SRGAP1: variants seen among roughly 807,000 people sequenced by gnomAD.
The protein encoded by SRGAP1 is SLIT-ROBO Rho GTPase activating protein 1.
In SRGAP1, 43 loss-of-function variants were observed where a neutral mutation model predicts 121.9. The ratio of observed to expected loss-of-function variants is 0.35; its 90% CI spans 0.28 to 0.46. The LOEUF (loss-of-function observed/expected upper bound fraction) is 0.46, where lower values mean the gene tolerates loss of function less well. Among genes scored for constraint, SRGAP1 ranks in the 20% least tolerant of loss-of-function variants. The pLI is 1.00. For missense variants in SRGAP1, 1,102 were observed against 1,350.9 expected (o/e 0.82, Z 2.89); for synonymous variants, 447 against 485.4 (o/e 0.92, Z 1.04).
intron 1 of SRGAP1, among the ~76,000 whole-genome samples, chr12:63,944,867 T>C (rs2031991169): frequency 6.6e-6 from 1 of 152,204 alleles, no homozygotes; most frequent in Non-Finnish European, 1.5e-5. Flanking sequence ...CAAAGTGCCC[T>C]GCTAGCTCCT....
chr12:64,138,090 C>A (rs1302179390), intron 21 of SRGAP1, among the ~76,000 whole-genome samples: 1 of 151,560 alleles, frequency 6.6e-6, no homozygotes, highest in Non-Finnish European at 1.5e-5. Flanking sequence ...CTCACAAAAC[C>A]AAAACTCTGT....
chr12:63,933,891 A>T (rs2031568735), intron 1 of SRGAP1, among the ~76,000 whole-genome samples: 1 of 152,198 alleles, frequency 6.6e-6, no homozygotes, highest in Admixed American at 6.5e-5. Flanking sequence ...CATAAGGTAA[A>T]ATTGAAATCA....
intron 14 of SRGAP1, 92 bp downstream of exon 14, chr12:64,095,296 A>G (rs2036133684): frequency 8.9e-7 from 1 of 1,128,442 alleles, no homozygotes; most frequent in African/African-American, 1.6e-5. Flanking sequence ...TATATCCTCA[A>G]AACCTTTCTT....
In SRGAP1 at chr12:64,128,047, G is replaced by A; in HGVS notation, c.2727G>A (p.Arg909=). The A allele has an allele frequency of 6.2e-7, 1 of 1,614,138 alleles. No homozygotes were observed. The highest frequency in any genetic ancestry group is 8.5e-7 in the Non-Finnish European group (1 of 1,180,022). ...NRGLNNDSPE[R]RRRPGHGSLT... is the part of the protein sequence containing the mutation. Reference sequence around the variant, plus strand: ...GCCTCAACAATGACAGTCCTGAGCGGAGGCGCAGGCCTGGCCATGGCAGCC... The same window carrying A: ...GCCTCAACAATGACAGTCCTGAGCGAAGGCGCAGGCCTGGCCATGGCAGCC... Residue 909 remains arginine, a synonymous_variant, in exon 21 of 22, where the codon CGG becomes CGA. Transcript: ENST00000355086.
At chr12:63,887,746 AGAT>A (rs1477266645) in intron 1 of SRGAP1, 1 of 152,256 alleles carries the variant, frequency 6.6e-6, no homozygotes. Context: ...ACAGAATCTA[AGAT>A]GATAAGAAGA....
intron 6 of SRGAP1, among the ~76,000 whole-genome samples, chr12:64,048,813 C>T (rs1182271981): frequency 6.6e-6 from 1 of 151,906 alleles, no homozygotes; most frequent in Non-Finnish European, 1.5e-5. Context: ...TTTGAGATAT[C>T]TCTATTTAGA....
intron 21 of SRGAP1, among the ~76,000 whole-genome samples, chr12:64,135,881 A>G (rs548590440): frequency 8.5e-5 from 13 of 152,292 alleles, no homozygotes; most frequent in African/African-American, 3.1e-4. Context: ...ACACAATCAC[A>G]AGGTCCCACA....
intron 3 of SRGAP1, among the ~76,000 whole-genome samples, chr12:64,011,633 A>G (rs186363451): frequency 6.6e-6 from 1 of 152,314 alleles, no homozygotes; most frequent in Admixed American, 6.5e-5. Flanking sequence ...ACTAGTTGGT[A>G]GAAAATAGTG....
chr12:63,890,062 T>A (rs1900526669), intron 1 of SRGAP1, among the ~76,000 whole-genome samples: 1 of 152,200 alleles, frequency 6.6e-6, no homozygotes, highest in South Asian at 2.1e-4. Flanking sequence ...TTTAGATTGC[T>A]GCAGATTCAC....
At chr12:63,954,928 T>A (rs958333325) in intron 1 of SRGAP1, among the ~76,000 whole-genome samples, 1 of 152,222 alleles carries the variant, frequency 6.6e-6, no homozygotes, top group African/African-American at 2.4e-5. Context: ...CAATTGTCAG[T>A]ACACTTCCTC....
At chr12:63,966,463 C>G (rs1432350830) in intron 1 of SRGAP1, among the ~76,000 whole-genome samples, 1 of 152,136 alleles carries the variant, frequency 6.6e-6, no homozygotes, top group African/African-American at 2.4e-5. Context: ...CAAAGGAAAT[C>G]TTCACTTATG....
At chr12:64,065,752 T>G (rs891341332) in intron 8 of SRGAP1, among the ~76,000 whole-genome samples, 29 of 152,180 alleles carry the variant, frequency 1.9e-4, no homozygotes, top group African/African-American at 6.8e-4. Flanking sequence ...CTTTTAAAAT[T>G]CACTTCTTTT....
intron 1 of SRGAP1, among the ~76,000 whole-genome samples, chr12:63,957,214 T>C (rs1474025361): frequency 1.3e-5 from 2 of 152,222 alleles, no homozygotes; most frequent in Non-Finnish European, 2.9e-5. Flanking sequence ...ACATTATCAT[T>C]GAAGATCGTG....
chr12:64,077,566 T>A (rs989050769), intron 8 of SRGAP1, among the ~76,000 whole-genome samples: 2 of 151,364 alleles, frequency 1.3e-5, no homozygotes, highest in African/African-American at 4.8e-5. Flanking sequence ...TTACATTGTG[T>A]GACAGAAGGA....
chr12:64,006,492 G>C (rs967872386), intron 3 of SRGAP1, among the ~76,000 whole-genome samples: 1 of 152,144 alleles, frequency 6.6e-6, no homozygotes, highest in African/African-American at 2.4e-5. Flanking sequence ...ACAAGAATTT[G>C]AATCTCAGTT....
intron 18 of SRGAP1, among the ~76,000 whole-genome samples, chr12:64,125,079 C>T (rs2036666493): frequency 2.0e-5 from 3 of 152,164 alleles, no homozygotes; most frequent in Admixed American, 2.0e-4. Context: ...ACAAGGAACC[C>T]TTGTGCTACC....
intron 8 of SRGAP1, among the ~76,000 whole-genome samples, chr12:64,072,302 A>G (rs576481858): frequency 1.3e-5 from 2 of 152,192 alleles, no homozygotes; most frequent in African/African-American, 2.4e-5. Context: ...CAGATGAGTG[A>G]TGAGTCTTAA....
intron 4 of SRGAP1, among the ~76,000 whole-genome samples, chr12:64,018,448 T>TA (rs1276995708): frequency 1.3e-5 from 2 of 152,204 alleles, no homozygotes; most frequent in African/African-American, 4.8e-5. Context: ...TTTCTTGATT[T>TA]ACCAATTCCA....
chr12:64,094,639 C>A (rs2036119782), intron 12 of SRGAP1, among the ~76,000 whole-genome samples: 1 of 152,088 alleles, frequency 6.6e-6, no homozygotes, highest in Non-Finnish European at 1.5e-5. Flanking sequence ...ACACAGAGTT[C>A]TTTTTAAGTC....
Sources: gnomAD v4.1 joint callset for allele counts (sites outside exome capture counted in the v4.1 genomes callset) on GRCh38, gnomAD v4.1.1 for gene constraint, MANE v1.5 for transcripts, NCBI Gene and HGNC (gene_info 2026-07-23, HGNC 2026-07-21) for gene names.